The following MEOX1 variants were observed in gnomAD, a reference collection of about 807,000 sequenced individuals.
The protein encoded by MEOX1 is mesenchyme homeobox 1, also known as homeobox protein MOX-1.
Under a neutral mutation model 23.2 loss-of-function variants are expected in MEOX1, and 17 were observed. That is an observed-to-expected ratio of 0.73 (90% CI 0.50 to 1.10). The LOEUF (loss-of-function observed/expected upper bound fraction) is 1.10, where lower values mean the gene tolerates loss of function less well. Among genes scored for constraint, MEOX1 ranks in the 50% least tolerant of loss-of-function variants. The probability of loss-of-function intolerance (pLI) is 0.00; values close to 1 mark genes in which losing one functional copy is unlikely to be tolerated. For synonymous variants in MEOX1, 134 were observed against 135.1 expected (o/e 0.99, Z 0.06); for missense variants, 333 against 332.2 (o/e 1.00, Z -0.02).
chr17:43,645,426 C>G (rs1972788518), intron 1 of MEOX1, among the ~76,000 whole-genome samples: 1 of 152,142 alleles, frequency 6.6e-6, no homozygotes, highest in African/African-American at 2.4e-5. Flanking sequence ...ATCTGCCCGC[C>G]TTGGCCTCCC....
rs768680791 is a variant in MEOX1, at chr17:43,661,256, G to T, written c.279C>A (p.Asn93Lys). 1.2e-6 allele frequency: 2 copies of T among 1,609,862 alleles called. No individual in the cohort carries two copies. Among genetic ancestry groups the T allele is most frequent in the Admixed American group, 3.3e-5 (2 of 59,760 alleles). The part of the protein sequence containing the change: ...EQHPAFPQSP[N>K]WHFPVSDARR... ...GGGCGTCTGAGACAGGGAAGTGCCA[G>T]TTGGGGGACTGTGGGAAAGCGGGGT... Residue 93 changes from asparagine to lysine, a missense_variant, in exon 1 of 3, where the codon AAC becomes AAA. By Grantham distance (94) the Asn-to-Lys change is moderately conservative. Transcript: ENST00000318579.
At chr17:43,656,404 A>G (rs904262988) in intron 1 of MEOX1, among the ~76,000 whole-genome samples, 7 of 151,554 alleles carry the variant, frequency 4.6e-5, no homozygotes, top group African/African-American at 1.7e-4. Context: ...AGTGGAGGGG[A>G]CCTGGGGCGG....
chr17:43,643,666 G>T lies in MEOX1; in HGVS notation c.470-6C>A. The T allele has an allele frequency of 6.2e-7, 1 of 1,611,270 alleles. No individual in the cohort carries two copies. Among genetic ancestry groups the T allele is most frequent in the Non-Finnish European group, 8.5e-7 (1 of 1,178,992 alleles). ...CCCTCTGTTCTCCTGGTTGTCTGGG[G>T]AGAGAGGACCCCAAACAGGAAGACA... On this transcript the variant is annotated splice_region_variant and splice_polypyrimidine_tract_variant and intron_variant, in intron 1 of 2. Transcript: ENST00000318579.
chr17:43,643,059 A>G (rs1266005153), intron 2 of MEOX1, among the ~76,000 whole-genome samples: 1 of 152,162 alleles, frequency 6.6e-6, no homozygotes, highest in African/African-American at 2.4e-5. Flanking sequence ...CTGTAATCCC[A>G]GCACTTTGGG....
Position 43,641,528 on chromosome 17 carries a change from C to G in MEOX1, c.*382G>C, listed in dbSNP as rs1972694090. 1 of 167,156 alleles carries G rather than the reference C, an allele frequency of 6.0e-6. No individual in the cohort carries two copies. The highest frequency in any genetic ancestry group is 1.3e-5 in the Non-Finnish European group (1 of 77,318). 10.4% of individuals were successfully genotyped at this position (167,156 alleles called of 1,614,324 possible). On this transcript the variant is annotated 3_prime_UTR_variant, in exon 3 of 3. Transcript: ENST00000318579. ...GTTCCAAAGCTCCTCTCCCACCAGGCCAGGTGGTGTCCAGACCAGGAGGAG... is the reference window on the plus strand; with the variant it reads ...GTTCCAAAGCTCCTCTCCCACCAGGGCAGGTGGTGTCCAGACCAGGAGGAG...
Position 43,657,340 on chromosome 17 carries a change from ATTT to A in MEOX1, c.469+3723_469+3725del, listed in dbSNP as rs34747408. Among the ~76,000 whole-genome samples, 75 of 122,206 alleles carry A rather than the reference ATTT, an allele frequency of 6.1e-4. 1 individual carries two copies. The highest frequency in any genetic ancestry group is 1.3e-3 in the African/African-American group (43 of 34,268). 80.2% of individuals were successfully genotyped at this position (122,206 alleles called of 152,430 possible). ...AGGTGCCTGCCACCACACCTGGCTA[ATTT>A]TTTTTTTTTTTTTTTGTATTTTTAG... On this transcript the variant is annotated intron_variant, in intron 1 of 2. Coordinates refer to ENST00000318579, the MANE Select transcript of MEOX1 (RefSeq NM_004527.4).
At chr17:43,647,040 G>A (rs1972827525) in intron 1 of MEOX1, among the ~76,000 whole-genome samples, 1 of 152,210 alleles carries the variant, frequency 6.6e-6, no homozygotes, top group Non-Finnish European at 1.5e-5. Context: ...CAATTTATCA[G>A]CTCCACGAGA....
At chr17:43,655,409 T>C (rs1972995286) in intron 1 of MEOX1, among the ~76,000 whole-genome samples, 1 of 150,742 alleles carries the variant, frequency 6.6e-6, no homozygotes, top group African/African-American at 2.4e-5. Flanking sequence ...AGGCGGAGGT[T>C]GCAGTGAGCC....
chr17:43,657,014 C>CTTTCTTTCTTTCTTTCTT (rs1973036487), intron 1 of MEOX1, among the ~76,000 whole-genome samples: 1 of 100,744 alleles, frequency 9.9e-6, no homozygotes, highest in Admixed American at 9.6e-5. Context: ...CTTTCTTTCT[C>CTTTCTTTCTTTCTTTCTT]TTTCTTTCTT....
chr17:43,649,947 C>T (rs965957998), intron 1 of MEOX1, among the ~76,000 whole-genome samples: 3 of 152,206 alleles, frequency 2.0e-5, no homozygotes, highest in African/African-American at 7.2e-5. Context: ...TATGTAGCTG[C>T]CACATTTGGC....
chr17:43,642,418 A>T (rs935649268), intron 2 of MEOX1, among the ~76,000 whole-genome samples: 1 of 152,128 alleles, frequency 6.6e-6, no homozygotes, highest in Non-Finnish European at 1.5e-5. Context: ...TTTGGTTTAG[A>T]TAGCTCTGGT....
intron 1 of MEOX1, among the ~76,000 whole-genome samples, chr17:43,649,058 C>A (rs1465462637): frequency 1.3e-5 from 2 of 152,166 alleles, no homozygotes; most frequent in Non-Finnish European, 2.9e-5. Flanking sequence ...AATAGCTACA[C>A]CCGCTGTGCT....
chr17:43,656,920 C>T (rs111253661), intron 1 of MEOX1, among the ~76,000 whole-genome samples: 1,685 of 152,196 alleles, frequency 0.011, 34 homozygotes, highest in African/African-American at 0.039. Context: ...ATGCTGGTCT[C>T]CAGGGTGGGG....
At chr17:43,650,556 G>A (rs35758127) in intron 1 of MEOX1, among the ~76,000 whole-genome samples, 48,952 of 152,106 alleles carry the variant, frequency 0.32, 9,555 homozygotes, top group Middle Eastern at 0.47. Context: ...TATGGAGGCT[G>A]TGCCTATCTT....
intron 1 of MEOX1, among the ~76,000 whole-genome samples, chr17:43,649,290 CT>C (rs10694288): frequency 0.093 from 7,994 of 86,332 alleles, 76 homozygotes; most frequent in East Asian, 0.18. Context: ...GGCCTTTCAG[CT>C]TTTTTTTTTT....
At position 43,661,265 on chromosome 17, in the gene MEOX1, C is replaced by G; in HGVS notation, c.270G>C (p.Gln90His). The G allele has an allele frequency of 6.2e-7, 1 of 1,609,398 alleles. No homozygotes were observed. The highest frequency in any genetic ancestry group is 8.5e-7 in the Non-Finnish European group (1 of 1,177,230). ...AGACAGGGAAGTGCCAGTTGGGGGA[C>G]TGTGGGAAAGCGGGGTGCTGCTCAG... ...IFTEQHPAFP[Q>H]SPNWHFPVSD... Residue 90 changes from glutamine to histidine, a missense_variant, in exon 1 of 3, where the codon CAG (glutamine) becomes CAC (histidine). By Grantham distance (24) the Gln-to-His change is conservative (BLOSUM62 0). Coordinates refer to ENST00000318579, the MANE Select transcript of MEOX1 (RefSeq NM_004527.4).
At chr17:43,653,735 C>T (rs990113720) in intron 1 of MEOX1, among the ~76,000 whole-genome samples, 2 of 149,374 alleles carry the variant, frequency 1.3e-5, no homozygotes, top group Admixed American at 6.7e-5. Context: ...GTTTTGATTT[C>T]TTGAGCTCAT....
chr17:43,655,035 G>C (rs1288783206), intron 1 of MEOX1, among the ~76,000 whole-genome samples: 2 of 151,750 alleles, frequency 1.3e-5, no homozygotes, highest in Non-Finnish European at 1.5e-5. Context: ...CTGGGTGACA[G>C]AGTGAGACTC....
At position 43,641,738 on chromosome 17, in the gene MEOX1, C is replaced by A; in HGVS notation, c.*172G>T. The stretch of plus-strand genomic sequence containing the variant: ...GCTGCTAAGAGGCTGGACAGAACTT[C>A]CTAGAAAATCCTAAGACTCCCAGGA... On this transcript the variant is annotated 3_prime_UTR_variant, in exon 3 of 3. Coordinates refer to ENST00000318579, the MANE Select transcript of MEOX1 (RefSeq NM_004527.4). 1.5e-6 allele frequency: 1 copy of A among 651,442 alleles called. No homozygotes were observed. The highest frequency in any genetic ancestry group is 2.1e-5 in the South Asian group (1 of 46,684). The allele number at this position is 651,442 out of a possible 1,614,324, so 40.4% of individuals were successfully genotyped here. A position where few individuals can be genotyped will look rare whatever the true frequency, so the allele number is the denominator to read the frequency against.
Sources: allele counts gnomAD v4.1 joint callset (sites outside exome capture counted in the v4.1 genomes callset), GRCh38; gene constraint gnomAD v4.1.1; transcripts MANE v1.5; gene names NCBI Gene and HGNC (gene_info 2026-07-23, HGNC 2026-07-21).